LRRC4C: variants seen among roughly 807,000 people sequenced by gnomAD.
LRRC4C encodes leucine rich repeat containing 4C, also known as leucine-rich repeat-containing protein 4C.
In LRRC4C, 5 loss-of-function variants were observed where a neutral mutation model predicts 33.6. The ratio of observed to expected loss-of-function variants is 0.15; its 90% CI spans 0.08 to 0.31. LRRC4C has a LOEUF of 0.31. Ranked by LOEUF, LRRC4C falls within the 10% of genes least tolerant of loss-of-function variation. LRRC4C has a pLI of 1.00. For synonymous variants in LRRC4C, 329 were observed against 302.0 expected (o/e 1.09, Z -0.93); for missense variants, 560 against 796.7 (o/e 0.70, Z 3.58).
rs747066767 is a variant in LRRC4C at position 40,184,908 on chromosome 11, G to A, written c.-95-44055C>T. ...TCACAGGCTGCCTCCTTTCTGCTGC[G>A]CTTCCTGCTACAAATCCCTATTTAT... On this transcript the variant is annotated intron_variant, in intron 5 of 6. Transcript: ENST00000528697. 4.6e-4 allele frequency among the ~76,000 whole-genome samples: 70 copies of A among 152,136 alleles called. 1 individual carries two copies. The highest frequency in any genetic ancestry group is 7.5e-4 in the Non-Finnish European group (51 of 68,030).
chr11:40,473,979 CATGGTCATGG>C (rs1471762365), intron 3 of LRRC4C, among the ~76,000 whole-genome samples: 1 of 152,142 alleles, frequency 6.6e-6, no homozygotes, highest in Non-Finnish European at 1.5e-5. Flanking sequence ...AAAAACGTTC[CATGGTCATGG>C]ATAGAAAGAA....
chr11:40,387,064 G>A (rs935196909), intron 3 of LRRC4C, among the ~76,000 whole-genome samples: 2 of 152,016 alleles, frequency 1.3e-5, no homozygotes, highest in African/African-American at 4.8e-5. Flanking sequence ...GGATATTTTT[G>A]TTACAAAATA....
chr11:40,791,978 T>G (rs1293436801), intron 2 of LRRC4C, among the ~76,000 whole-genome samples: 1 of 152,004 alleles, frequency 6.6e-6, no homozygotes, highest in Non-Finnish European at 1.5e-5. Context: ...TTTGAACACA[T>G]TTGACATTGA....
intron 4 of LRRC4C, among the ~76,000 whole-genome samples, chr11:40,298,158 A>G (rs981068150): frequency 1.3e-5 from 2 of 152,224 alleles, no homozygotes; most frequent in African/African-American, 2.4e-5. Context: ...GATACTTGTC[A>G]TAATTATTAA....
At chr11:41,171,285 C>CT (rs1017565985) in intron 1 of LRRC4C, among the ~76,000 whole-genome samples, 3 of 152,150 alleles carry the variant, frequency 2.0e-5, no homozygotes, top group Non-Finnish European at 4.4e-5. Context: ...AATCATGCTG[C>CT]TTTAAAGACA....
chr11:40,645,343 C>A (rs1366034655), intron 3 of LRRC4C, among the ~76,000 whole-genome samples: 1 of 152,064 alleles, frequency 6.6e-6, no homozygotes, highest in Non-Finnish European at 1.5e-5. Flanking sequence ...AGGCTGTGTG[C>A]TTTTTATTAA....
intron 3 of LRRC4C, among the ~76,000 whole-genome samples, chr11:40,355,595 A>G (rs1336054215): frequency 6.6e-6 from 1 of 152,100 alleles, no homozygotes; most frequent in African/African-American, 2.4e-5. Context: ...TTTTGCTGTG[A>G]CAGGGCAGCA....
intron 2 of LRRC4C, among the ~76,000 whole-genome samples, chr11:40,703,423 T>TA (rs1945979214): frequency 6.6e-6 from 1 of 151,988 alleles, no homozygotes; most frequent in Non-Finnish European, 1.5e-5. Context: ...ATAAAAAATA[T>TA]AAAAAATTAG....
At chr11:40,220,356 A>G (rs1426050693) in intron 5 of LRRC4C, among the ~76,000 whole-genome samples, 1 of 152,214 alleles carries the variant, frequency 6.6e-6, no homozygotes, top group African/African-American at 2.4e-5. Context: ...TATATGTTAT[A>G]ATAAATACAG....
At chr11:40,941,061 G>T (rs1401338781) in intron 1 of LRRC4C, among the ~76,000 whole-genome samples, 3 of 151,846 alleles carry the variant, frequency 2.0e-5, no homozygotes, top group East Asian at 3.9e-4. Context: ...AACAGAACTG[G>T]CTGGAGTCAA....
At chr11:40,263,110 G>C (rs1290392446) in intron 4 of LRRC4C, among the ~76,000 whole-genome samples, 1 of 151,904 alleles carries the variant, frequency 6.6e-6, no homozygotes, top group Non-Finnish European at 1.5e-5. Flanking sequence ...GAATATATTA[G>C]GATCTTAATA....
chr11:40,432,325 T>A (rs1019902230), intron 3 of LRRC4C, among the ~76,000 whole-genome samples: 3 of 152,184 alleles, frequency 2.0e-5, no homozygotes, highest in African/African-American at 7.2e-5. Context: ...ACTACTTCAG[T>A]CCATTCCAAT....
chr11:40,684,781 T>C (rs1944875445), intron 2 of LRRC4C, among the ~76,000 whole-genome samples: 1 of 152,012 alleles, frequency 6.6e-6, no homozygotes, highest in Admixed American at 6.6e-5. Flanking sequence ...GACAACAAAC[T>C]TGTTACCAGT....
chr11:40,315,819 G>A (rs768602413), intron 4 of LRRC4C, among the ~76,000 whole-genome samples: 7 of 151,884 alleles, frequency 4.6e-5, no homozygotes, highest in Non-Finnish European at 7.4e-5. Context: ...TCTGAACAGC[G>A]GTTTATAAAA....
At position 40,974,269 on chromosome 11, in the gene LRRC4C, G is replaced by T. The variant is rs536472755; in HGVS notation, c.-495-40546C>A. Among the ~76,000 whole-genome samples the T allele has an allele frequency of 3.9e-5, 6 of 152,102 alleles. No individual in the cohort carries two copies. In the South Asian group the frequency reaches 1.0e-3, roughly 26 times the overall value. The stretch of plus-strand genomic sequence containing the variant: ...CATTTTCTTATGACTAATCTCTCTT[G>T]TTATTGATTTTTAATCTCTACCAGA... On this transcript the variant is annotated intron_variant, in intron 1 of 6. Coordinates refer to ENST00000528697, the MANE Select transcript of LRRC4C (RefSeq NM_001258419.2).
chr11:41,434,462 A>C (rs1361247214), intron 1 of LRRC4C, among the ~76,000 whole-genome samples: 1 of 152,068 alleles, frequency 6.6e-6, no homozygotes, highest in East Asian at 1.9e-4. Context: ...TTGCTTCCAT[A>C]AGCCTCATTT....
At chr11:40,761,774 A>G (rs1246566493) in intron 2 of LRRC4C, among the ~76,000 whole-genome samples, 2 of 152,144 alleles carry the variant, frequency 1.3e-5, no homozygotes, top group Admixed American at 6.6e-5. Flanking sequence ...TCTTAAGGTG[A>G]GGCATCAGGG....
intron 3 of LRRC4C, among the ~76,000 whole-genome samples, chr11:40,531,015 G>A (rs1317361913): frequency 6.6e-6 from 1 of 152,082 alleles, no homozygotes; most frequent in African/African-American, 2.4e-5. Flanking sequence ...GTAGAGTATT[G>A]AAAGCATTCA....
chr11:40,236,484 T>C (rs147906015), intron 5 of LRRC4C, among the ~76,000 whole-genome samples: 5 of 152,348 alleles, frequency 3.3e-5, no homozygotes, highest in African/African-American at 1.2e-4. Context: ...CTTTATTTCA[T>C]GGGCATAGAG....
Sources: allele counts gnomAD v4.1 joint callset (sites outside exome capture counted in the v4.1 genomes callset), GRCh38; gene constraint gnomAD v4.1.1; transcripts MANE v1.5; gene names NCBI Gene and HGNC (gene_info 2026-07-23, HGNC 2026-07-21).